Variants in TDRD6 observed in about 807,000 individuals in gnomAD.
TDRD6 encodes tudor domain-containing protein 6.
In TDRD6, 186 loss-of-function variants were observed where a neutral mutation model predicts 157.5. The ratio of observed to expected loss-of-function variants is 1.18; its 90% CI spans 1.05 to 1.33. The LOEUF is 1.33. TDRD6 is among the 40% of genes most tolerant of loss of function. The probability of loss-of-function intolerance (pLI) is 0.00; values close to 1 mark genes in which losing one functional copy is unlikely to be tolerated. For synonymous variants in TDRD6, 1,075 were observed against 945.2 expected (o/e 1.14, Z -2.52); for missense variants, 3,066 against 2,508.0 (o/e 1.22, Z -4.75).
rs757755427 is a variant in TDRD6, at chr6:46,693,318, G to A, written c.5190G>A (p.Lys1730=). ...CCTACAATCTTGATGTAGGACTTAAGAAATTAAGTAATAAAGCTGTACAAA... is the reference window on the plus strand; with the variant it reads ...CCTACAATCTTGATGTAGGACTTAAAAAATTAAGTAATAAAGCTGTACAAA... The part of the protein sequence containing the change: ...LGSYNLDVGL[K]KLSNKAVQNK... Residue 1730 remains lysine (K), a synonymous_variant, in exon 1 of 4, where the codon AAG becomes AAA. Transcript: ENST00000316081. 9 of 1,604,824 alleles carry A rather than the reference G, an allele frequency of 5.6e-6. No individual in the cohort carries two copies. The African/African-American group carries it at 8.1e-5, about 14-fold the overall frequency.
chr6:46,689,883 G>A lies in TDRD6; in HGVS notation c.1755G>A (p.Met585Ile). 1 of 1,614,210 alleles carries A rather than the reference G, an allele frequency of 6.2e-7. No homozygotes were observed. The stretch of plus-strand genomic sequence containing the variant: ...ATGTGGACTGGTATGACGTAAGGAT[G>A]CTGCTTCCTCAGTTTAGGCAGCTAC... ...SENVDWYDVR[M>I]LLPQFRQLPI... Residue 585 changes from methionine (M) to isoleucine (I), a missense_variant, in exon 1 of 4, where the codon ATG becomes ATA. Met to Ile is a conservative substitution (Grantham distance 10, BLOSUM62 1). Coordinates refer to ENST00000316081, the MANE Select transcript of TDRD6 (RefSeq NM_001010870.3).
At position 46,692,178 on chromosome 6, in the gene TDRD6, T is replaced by A; in HGVS notation, c.4050T>A (p.Gly1350=). Residue 1350 remains glycine, a synonymous_variant, in exon 1 of 4, where the codon GGT becomes GGA. Transcript: ENST00000316081. ...AAACAAGGCCCGAATATTATGTAGG[T>A]CCACCTTTGCAAAGAGGAGATATGA... ...SVKTRPEYYV[G]PPLQRGDMIC... is the part of the protein sequence containing the mutation. 6.2e-7 allele frequency: 1 copy of A among 1,614,136 alleles called. No homozygotes were observed. Among genetic ancestry groups the A allele is most frequent in the Non-Finnish European group, 8.5e-7 (1 of 1,179,992 alleles).
upstream of TDRD6, among the ~76,000 whole-genome samples, chr6:46,686,532 G>A (rs180950877): frequency 3.5e-3 from 526 of 150,228 alleles, 2 homozygotes; most frequent in African/African-American, 0.012. Context: ...GTAGGGTCAC[G>A]AGGAAACGAC....
At chr6:46,701,546 T>A (rs533864599) in intron 3 of TDRD6, among the ~76,000 whole-genome samples, 1 of 152,248 alleles carries the variant, frequency 6.6e-6, no homozygotes, top group African/African-American at 2.4e-5. Flanking sequence ...GAAAAATATA[T>A]ACTAATCAAA....
chr6:46,691,637 G>T lies in TDRD6; in HGVS notation c.3509G>T (p.Ser1170Ile). The stretch of plus-strand genomic sequence containing the variant: ...AAAGATAGAATAAGAAAAAAAGAAA[G>T]TGAAGTCCTCTGTTCTACAACTGAA... ...SYKDRIRKKE[S>I]EVLCSTTETL... is the part of the protein sequence containing the mutation. The change falls in exon 1 of 4, where the codon AGT becomes ATT. Residue 1170 changes from serine to isoleucine, a missense_variant. Transcript: ENST00000316081. 2 of 1,613,208 alleles carry T rather than the reference G, an allele frequency of 1.2e-6. No individual in the cohort carries two copies. Among genetic ancestry groups the T allele is most frequent in the Non-Finnish European group, 1.7e-6 (2 of 1,179,630 alleles).
At position 46,689,553 on chromosome 6, in the gene TDRD6, C is replaced by T. The variant is rs779782523; in HGVS notation, c.1425C>T (p.Leu475=). The change falls in exon 1 of 4, where the codon CTC becomes CTT. Residue 475 remains leucine (L), a synonymous_variant. Transcript: ENST00000316081. ...AAGAAGTAGATGAAGAGATTTCACT[C>T]CCAGCCTTAAGATCTATCAGGTTAA... The part of the protein sequence containing the change: ...PAEEVDEEIS[L]PALRSIRLKM... The T allele has an allele frequency of 3.1e-6, 5 of 1,614,008 alleles. No homozygotes were observed. Among genetic ancestry groups the T allele is most frequent in the African/African-American group, 1.3e-5 (1 of 74,906 alleles).
In TDRD6 at chr6:46,689,438, T is replaced by TA; in HGVS notation, c.1311dup (p.Gln438ThrfsTer7). 6.2e-7 allele frequency: 1 copy of TA among 1,613,388 alleles called. No homozygotes were observed. Among genetic ancestry groups the TA allele is most frequent in the Non-Finnish European group, 8.5e-7 (1 of 1,180,020 alleles). On this transcript the variant is annotated frameshift_variant, in exon 1 of 4. Transcript: ENST00000316081. LOFTEE classifies it high-confidence loss of function. ...ATTAATCTGAACCGTGTGTTTGGAG[T>TA]ACAGTCGTGTTGCTTGGCTGACCGA...
At position 46,703,397 on chromosome 6, in the gene TDRD6, A is replaced by T. The variant is rs1408125164; in HGVS notation, c.*1510A>T. 1 of 152,110 alleles carries T rather than the reference A, an allele frequency of 6.6e-6. No individual in the cohort carries two copies. The highest frequency in any genetic ancestry group is 1.5e-5 in the Non-Finnish European group (1 of 67,974). 9.4% of individuals were successfully genotyped at this position (152,110 alleles called of 1,614,324 possible). On this transcript the variant is annotated 3_prime_UTR_variant, in exon 4 of 4. Coordinates refer to ENST00000316081, the MANE Select transcript of TDRD6 (RefSeq NM_001010870.3). ...TTTGGCTTACTCATATAGATAATAT[A>T]ATGTGAATTGCCAGAAGCAAAGCTC... is the stretch of plus-strand genomic sequence containing the variant.
chr6:46,694,543 T>A (rs1266282938), intron 1 of TDRD6, among the ~76,000 whole-genome samples: 1 of 152,202 alleles, frequency 6.6e-6, no homozygotes, highest in African/African-American at 2.4e-5. Flanking sequence ...ATAATTCTTA[T>A]ATGGATTTCT....
chr6:46,690,836 T>A lies in TDRD6; in HGVS notation c.2708T>A (p.Ile903Lys), dbSNP rs762915207. Residue 903 changes from isoleucine to lysine, a missense_variant, in exon 1 of 4, where the codon ATA (isoleucine) becomes AAA (lysine). Transcript: ENST00000316081. ...CCCTTTGTTTGGGATGTAAAGGCAA[T>A]ACAAGCTTTCAATGAATTTATAGAT... ...QNPFVWDVKA[I>K]QAFNEFIDNA... 6.2e-7 allele frequency: 1 copy of A among 1,613,822 alleles called. No homozygotes were observed. Among genetic ancestry groups the A allele is most frequent in the East Asian group, 2.2e-5 (1 of 44,878 alleles).
Position 46,693,846 on chromosome 6 carries a change from A to T in TDRD6, c.5718A>T (p.Glu1906Asp), listed in dbSNP as rs1033116312. The T allele has an allele frequency of 9.9e-6, 16 of 1,614,242 alleles. No individual in the cohort carries two copies. Among genetic ancestry groups the T allele is most frequent in the Non-Finnish European group, 5.9e-6 (7 of 1,180,040 alleles). ...GCTGTGAAGCTGAGAAACAGCCAGA[A>T]CTAGAACTACCTACAGCCCAGCTGC... ...PLSCEAEKQP[E>D]LELPTAQLPL... The change falls in exon 1 of 4, where the codon GAA (glutamate) becomes GAT (aspartate). Residue 1906 changes from glutamate to aspartate, a missense_variant. Transcript: ENST00000316081.
upstream of TDRD6, among the ~76,000 whole-genome samples, chr6:46,687,155 G>A (rs916807329): frequency 6.6e-6 from 1 of 152,170 alleles, no homozygotes; most frequent in Non-Finnish European, 1.5e-5. Flanking sequence ...GCCTCAAAGG[G>A]TTATCCTGTT....
At position 46,691,571 on chromosome 6, in the gene TDRD6, T is replaced by C; in HGVS notation, c.3443T>C (p.Ile1148Thr). Reference protein sequence around the residue: ...IIELYGDNIQISASINKKLGL... With the variant: ...IIELYGDNIQTSASINKKLGL... ...GAACTATATGGTGACAATATTCAAA[T>C]TAGTGCTAGTATTAATAAGAAGTTG... The change falls in exon 1 of 4, where the codon ATT becomes ACT. Residue 1148 changes from isoleucine (I) to threonine (T), a missense_variant. By Grantham distance (89) the Ile-to-Thr change is moderately conservative. Transcript: ENST00000316081. 1.2e-6 allele frequency: 2 copies of C among 1,613,528 alleles called. No individual in the cohort carries two copies. The highest frequency in any genetic ancestry group is 1.7e-6 in the Non-Finnish European group (2 of 1,179,692).
rs368710435 is a variant in TDRD6 at position 46,692,035 on chromosome 6, C to T, written c.3907C>T (p.Pro1303Ser). Residue 1303 changes from proline to serine, a missense_variant, in exon 1 of 4, where the codon CCT (proline) becomes TCT (serine). Physicochemically the swap from Pro to Ser is moderately conservative, Grantham distance 74. Coordinates refer to ENST00000316081, the MANE Select transcript of TDRD6 (RefSeq NM_001010870.3). ...TGAGTTCCCACAGAAGACTATAATGCCTGGATTTAAAACAACTGTATATGT... is the reference window on the plus strand; with the variant it reads ...TGAGTTCCCACAGAAGACTATAATGTCTGGATTTAAAACAACTGTATATGT... The part of the protein sequence containing the change: ...FCEFPQKTIM[P>S]GFKTTVYVSH... The T allele has an allele frequency of 1.2e-6, 2 of 1,613,318 alleles. No homozygotes were observed. Among genetic ancestry groups the T allele is most frequent in the African/African-American group, 2.7e-5 (2 of 74,840 alleles).
At position 46,692,812 on chromosome 6, in the gene TDRD6, A is replaced by T. The variant is rs748040004; in HGVS notation, c.4684A>T (p.Arg1562Ter). 6.2e-7 allele frequency: 1 copy of T among 1,613,976 alleles called. No homozygotes were observed. Among genetic ancestry groups the T allele is most frequent in the Non-Finnish European group, 8.5e-7 (1 of 1,180,006 alleles). Residue 1562 changes from arginine to a stop codon, truncating the protein, a stop_gained, in exon 1 of 4, where the codon AGA (arginine) becomes TGA (stop). Transcript: ENST00000316081. LOFTEE classifies it high-confidence loss of function. ...QTAGEQVADRRNCIPCPYIGD... is the reference protein window; with the variant it reads ...QTAGEQVADR Reference sequence around the variant, plus strand: ...TGCTGGAGAACAGGTAGCAGACAGGAGAAATTGTATCCCATGTCCTTATAT... The same window carrying T: ...TGCTGGAGAACAGGTAGCAGACAGGTGAAATTGTATCCCATGTCCTTATAT...
rs568240033 is a variant in TDRD6, at chr6:46,689,497, C to T, written c.1369C>T (p.Pro457Ser). The T allele has an allele frequency of 5.1e-5, 82 of 1,613,802 alleles. 3 individuals carry two copies. In the South Asian group the frequency reaches 7.9e-4, roughly 16 times the overall value. The stretch of plus-strand genomic sequence containing the variant: ...GAGCCAGGCAACAGAGGAGGAGGAA[C>T]CAGAAACATCTCAGTCTCAGTCTCC... ...LQSQATEEEE[P>S]ETSQSQSPAE... The change falls in exon 1 of 4, where the codon CCA (proline) becomes TCA (serine). Residue 457 changes from proline to serine, a missense_variant. Physicochemically the swap from Pro to Ser is moderately conservative, Grantham distance 74. Transcript: ENST00000316081.
rs778135575 is a variant in TDRD6 at position 46,692,294 on chromosome 6, A to T, written c.4166A>T (p.Asp1389Val). ...GACCTTCTCTCTGTGCAGTTTATAG[A>T]TTATGGCAATGTTTCTGTGGTTCAT... ...PNDLLSVQFI[D>V]YGNVSVVHTN... Residue 1389 changes from aspartate (D) to valine (V), a missense_variant, in exon 1 of 4, where the codon GAT becomes GTT. Transcript: ENST00000316081. 18 of 1,614,034 alleles carry T rather than the reference A, an allele frequency of 1.1e-5. No individual in the cohort carries two copies. Among genetic ancestry groups the T allele is most frequent in the Non-Finnish European group, 1.7e-6 (2 of 1,180,042 alleles).
intron 1 of TDRD6, among the ~76,000 whole-genome samples, chr6:46,694,812 T>G (rs774923598): frequency 2.0e-5 from 3 of 152,202 alleles, no homozygotes; most frequent in Non-Finnish European, 4.4e-5. Flanking sequence ...AAACATGGTA[T>G]TCCCTTGCCA....
Position 46,690,145 on chromosome 6 carries a change from A to G in TDRD6, c.2017A>G (p.Thr673Ala), listed in dbSNP as rs925629794. 14 of 1,613,376 alleles carry G rather than the reference A, an allele frequency of 8.7e-6. No homozygotes were observed. Among genetic ancestry groups the G allele is most frequent in the Non-Finnish European group, 1.1e-5 (13 of 1,179,750 alleles). ...ATATGCCAAGTATCAGGAATTTGAAACAAAGGAAAATATCCTGGTAAATGC... is the reference window on the plus strand; with the variant it reads ...ATATGCCAAGTATCAGGAATTTGAAGCAAAGGAAAATATCCTGGTAAATGC... ...AGYAKYQEFE[T>A]KENILVNAHS... The change falls in exon 1 of 4, where the codon ACA (threonine) becomes GCA (alanine). Residue 673 changes from threonine (T) to alanine (A), a missense_variant. By Grantham distance (58) the Thr-to-Ala change is moderately conservative. Coordinates refer to ENST00000316081, the MANE Select transcript of TDRD6 (RefSeq NM_001010870.3).
Sources: allele counts gnomAD v4.1 joint callset (sites outside exome capture counted in the v4.1 genomes callset), GRCh38; gene constraint gnomAD v4.1.1; transcripts MANE v1.5; gene names NCBI Gene and HGNC (gene_info 2026-07-23, HGNC 2026-07-21).